The following ANXA3 variants were observed in gnomAD, a reference collection of about 807,000 sequenced individuals.
ANXA3 encodes 35-alpha calcimedin.
Under a neutral mutation model 48.8 loss-of-function variants are expected in ANXA3, and 46 were observed. The ratio of observed to expected loss-of-function variants is 0.94; its 90% confidence interval spans 0.74 to 1.21. The LOEUF is 1.21. ANXA3 is among the 50% of genes most tolerant of loss of function. ANXA3 has a pLI of 0.00. For synonymous variants in ANXA3, 128 were observed against 134.7 expected, an observed-to-expected ratio of 0.95 and a Z score of 0.35; for missense variants, 383 against 378.6, an observed-to-expected ratio of 1.01 and a Z score of -0.10.
At chr4:78,561,791 C>G (rs1174637233) in intron 2 of ANXA3, among the ~76,000 whole-genome samples, 1 of 152,120 alleles carries the variant, frequency 6.6e-6, no homozygotes, top group South Asian at 2.1e-4. Context: ...ACCATGTTCC[C>G]TGAAGCTGCT....
chr4:78,604,092 C>T, intron 11 of ANXA3, 185 bp from the exon 12 acceptor site: 1 of 495,338 alleles, frequency 2.0e-6, no homozygotes, highest in Non-Finnish European at 3.3e-6. Flanking sequence ...TAGCATGATG[C>T]TGTCACAGAG....
chr4:78,608,536 C>G (rs1723697426), intron 12 of ANXA3, among the ~76,000 whole-genome samples: 1 of 151,920 alleles, frequency 6.6e-6, no homozygotes, highest in African/African-American at 2.4e-5. Flanking sequence ...TGAAAAGATC[C>G]CTGTAAGATC....
At position 78,604,399 on chromosome 4, in the gene ANXA3, A is replaced by T. The variant is rs1436237536; in HGVS notation, c.912A>T (p.Lys304Asn). 6.2e-7 allele frequency: 1 copy of T among 1,609,382 alleles called. No individual in the cohort carries two copies. The highest frequency in any genetic ancestry group is 1.3e-5 in the African/African-American group (1 of 74,936). Residue 304 changes from lysine to asparagine, a missense_variant and splice_region_variant, in exon 12 of 13, where the codon AAA (lysine) becomes AAT (asparagine). Physicochemically the swap from Lys to Asn is moderately conservative, Grantham distance 94. Coordinates refer to ENST00000264908, the MANE Select transcript of ANXA3 (RefSeq NM_005139.3). ...GCTATTCCCTATATTCAGCAATTAA[A>T]GTAAGTCTACTTTTAAAAATAGCAA... is the stretch of plus-strand genomic sequence containing the variant. Reference protein sequence around the residue: ...HYGYSLYSAIKSDTSGDYEIT... With the variant: ...HYGYSLYSAINSDTSGDYEIT...
intron 11 of ANXA3, chr4:78,602,834 A>G (rs1723572816): frequency 6.6e-6 from 1 of 151,820 alleles, no homozygotes; most frequent in African/African-American, 2.4e-5. Flanking sequence ...AATTTGCCCA[A>G]CTCTCTGAAG....
chr4:78,554,557 A>G (rs1560438369), intron 2 of ANXA3, 69 bp downstream of exon 2: 14 of 1,430,544 alleles, frequency 9.8e-6, no homozygotes, highest in Non-Finnish European at 1.4e-5. Flanking sequence ...GAAGGTCAAG[A>G]TAGCAAGGAA....
intron 7 of ANXA3, among the ~76,000 whole-genome samples, chr4:78,594,040 C>T (rs1459784642): frequency 6.6e-6 from 1 of 152,020 alleles, no homozygotes; most frequent in Non-Finnish European, 1.5e-5. Flanking sequence ...TCCTAAAAAT[C>T]CTCTGTGCTC....
At chr4:78,586,464 AG>A in intron 6 of ANXA3, 114 bp downstream of exon 6, 1 of 696,434 alleles carries the variant, frequency 1.4e-6, no homozygotes, top group East Asian at 2.8e-5. Flanking sequence ...CAAGACTTAC[AG>A]AAACGAGAAT....
chr4:78,609,107 A>G (rs1225759198), intron 12 of ANXA3, among the ~76,000 whole-genome samples: 1 of 152,212 alleles, frequency 6.6e-6, no homozygotes, highest in Non-Finnish European at 1.5e-5. Context: ...AATAAAGAAA[A>G]CAGAAAAATA....
At chr4:78,567,892 A>G (rs1722763925) in intron 2 of ANXA3, among the ~76,000 whole-genome samples, 1 of 152,250 alleles carries the variant, frequency 6.6e-6, no homozygotes, top group African/African-American at 2.4e-5. Flanking sequence ...CTTGTCTTCA[A>G]CAATCCTTCA....
chr4:78,584,566 G>T (rs1723134403), intron 5 of ANXA3, among the ~76,000 whole-genome samples: 1 of 152,106 alleles, frequency 6.6e-6, no homozygotes, highest in African/African-American at 2.4e-5. Context: ...CATTGGTCTT[G>T]GCCTATATCT....
At chr4:78,608,759 G>C (rs1022930196) in intron 12 of ANXA3, among the ~76,000 whole-genome samples, 3 of 152,090 alleles carry the variant, frequency 2.0e-5, no homozygotes. Context: ...TTGGGGGAGT[G>C]GGGGGAGGTT....
chr4:78,574,229 G>A (rs1392760207), intron 3 of ANXA3, among the ~76,000 whole-genome samples: 1 of 152,106 alleles, frequency 6.6e-6, no homozygotes, highest in African/African-American at 2.4e-5. Context: ...CACCAGCCTG[G>A]CAATATAAGG....
intron 12 of ANXA3, among the ~76,000 whole-genome samples, chr4:78,609,641 G>C (rs1276839985): frequency 3.3e-5 from 5 of 152,086 alleles, no homozygotes; most frequent in Non-Finnish European, 7.4e-5. Context: ...TGTTAAATGG[G>C]GGATACGTAT....
At chr4:78,581,098 T>A (rs1014685348) in intron 4 of ANXA3, among the ~76,000 whole-genome samples, 18 of 152,312 alleles carry the variant, frequency 1.2e-4, no homozygotes, top group African/African-American at 4.3e-4. Flanking sequence ...AAAAAAACAC[T>A]GTGGCAATTA....
intron 9 of ANXA3, 31 bp downstream of exon 9, chr4:78,595,918 G>T (rs1414362433): frequency 3.6e-6 from 5 of 1,397,204 alleles, no homozygotes; most frequent in Admixed American, 3.6e-5. Flanking sequence ...CCTTTGTGTT[G>T]TATGTTGTTT....
intron 2 of ANXA3, among the ~76,000 whole-genome samples, chr4:78,558,026 A>G (rs763452692): frequency 7.9e-5 from 12 of 152,236 alleles, no homozygotes; most frequent in Non-Finnish European, 1.8e-4. Context: ...ACACAATGGA[A>G]TATTATTCAG....
At chr4:78,596,111 C>G (rs1560450084) in intron 9 of ANXA3, among the ~76,000 whole-genome samples, 2 of 152,048 alleles carry the variant, frequency 1.3e-5, no homozygotes, top group Admixed American at 1.3e-4. Flanking sequence ...TAGTGAGTAC[C>G]AGGTAATAGA....
rs771966889 is a variant in ANXA3, at chr4:78,604,308, G to C, written c.821G>C (p.Arg274Pro). 12 of 1,612,946 alleles carry C rather than the reference G, an allele frequency of 7.4e-6. No individual in the cohort carries two copies. In the Admixed American group the frequency reaches 1.7e-4, roughly 22 times the overall value. ...GGAACTGATGAGTTTACTCTGAACCGAATAATGGTGTCCAGATCAGAAATT... is the reference window on the plus strand; with the variant it reads ...GGAACTGATGAGTTTACTCTGAACCCAATAATGGTGTCCAGATCAGAAATT... The part of the protein sequence containing the change: ...GIGTDEFTLN[R>P]IMVSRSEIDL... Residue 274 changes from arginine (R) to proline (P), a missense_variant, in exon 12 of 13, where the codon CGA becomes CCA. Transcript: ENST00000264908.
intron 10 of ANXA3, among the ~76,000 whole-genome samples, chr4:78,598,570 C>T (rs1162477855): frequency 3.3e-5 from 5 of 151,338 alleles, no homozygotes; most frequent in Admixed American, 6.6e-5. Context: ...GACGGAGTCT[C>T]GCTCGGTTGC....
Sources: allele counts gnomAD v4.1 joint callset (sites outside exome capture counted in the v4.1 genomes callset), GRCh38; gene constraint gnomAD v4.1.1; transcripts MANE v1.5; gene names NCBI Gene and HGNC (gene_info 2026-07-23, HGNC 2026-07-21).